SS18: variants seen among roughly 807,000 people sequenced by gnomAD.
The protein encoded by SS18 is protein SSXT.
In SS18, 28 loss-of-function variants were observed where a neutral mutation model predicts 72.5. The observed-to-expected ratio is 0.39, with a 90% confidence interval of 0.29 to 0.53. The LOEUF (loss-of-function observed/expected upper bound fraction) is 0.53, where lower values mean the gene tolerates loss of function less well. SS18 is among the 20% of genes least tolerant of loss of function. The probability of loss-of-function intolerance (pLI) is 0.76; values close to 1 mark genes in which losing one functional copy is unlikely to be tolerated. For missense variants in SS18, 518 were observed against 535.3 expected, an observed-to-expected ratio of 0.97 and a Z score of 0.32; for synonymous variants, 172 against 164.2, an observed-to-expected ratio of 1.05 and a Z score of -0.37.
At chr18:26,074,311 T>TAAA (rs199933029) in intron 3 of SS18, among the ~76,000 whole-genome samples, 4 of 137,844 alleles carry the variant, frequency 2.9e-5, no homozygotes, top group Non-Finnish European at 6.4e-5. Flanking sequence ...CAACTAACCT[T>TAAA]AAAAAAAAAA....
chr18:26,077,979 T>C, intron 3 of SS18, 97 bp downstream of exon 3: 1 of 796,378 alleles, frequency 1.3e-6, no homozygotes, highest in Non-Finnish European at 2.0e-6. Flanking sequence ...TAAAGCAGGA[T>C]TTACTAAACA....
rs79711633 is a variant in SS18, at chr18:26,048,028, T to A, written c.607+4596A>T. Among the ~76,000 whole-genome samples the A allele has an allele frequency of 5.7e-3, 860 of 152,186 alleles. 6 individuals are homozygous for A. Among genetic ancestry groups the A allele is most frequent in the African/African-American group, 0.02 (814 of 41,520 alleles). On this transcript the variant is annotated intron_variant, in intron 5 of 10. Coordinates refer to ENST00000415083, the MANE Select transcript of SS18 (RefSeq NM_001007559.3). ...TCATAGAAAACATGCAAACAGCAAATAAACATACAAAGTTATGCAACCTGA... is the reference window on the plus strand; with the variant it reads ...TCATAGAAAACATGCAAACAGCAAAAAAACATACAAAGTTATGCAACCTGA...
At chr18:26,081,534 A>G (rs1330391469) in intron 2 of SS18, among the ~76,000 whole-genome samples, 2 of 152,236 alleles carry the variant, frequency 1.3e-5, no homozygotes, top group Non-Finnish European at 2.9e-5. Flanking sequence ...AAAGATGAAC[A>G]TTAACAAAAA....
chr18:26,052,676 T>C lies in SS18; in HGVS notation c.555A>G (p.Gln185=), dbSNP rs1425180287. The C allele has an allele frequency of 1.9e-6, 3 of 1,614,160 alleles. No individual in the cohort carries two copies. The highest frequency in any genetic ancestry group is 2.5e-6 in the Non-Finnish European group (3 of 1,179,982). ...GTCTGGGACCATAGTTTCCCATTGGTTGTCCCTGACTCATTGTCATCTGAT... is the reference window on the plus strand; with the variant it reads ...GTCTGGGACCATAGTTTCCCATTGGCTGTCCCTGACTCATTGTCATCTGAT... ...VQNQMTMSQG[Q]PMGNYGPRPN... Residue 185 remains glutamine, a synonymous_variant, in exon 5 of 11, where the codon CAA becomes CAG. Coordinates refer to ENST00000415083, the MANE Select transcript of SS18 (RefSeq NM_001007559.3).
intron 5 of SS18, among the ~76,000 whole-genome samples, chr18:26,049,873 G>A (rs114929718): frequency 8.2e-4 from 125 of 152,216 alleles, no homozygotes; most frequent in African/African-American, 2.9e-3. Context: ...GGGTAACAGT[G>A]ACAATAACAT....
chr18:26,060,908 A>G (rs572472305), intron 3 of SS18, among the ~76,000 whole-genome samples: 1 of 150,728 alleles, frequency 6.6e-6, no homozygotes, highest in Non-Finnish European at 1.5e-5. Context: ...GTGAGCTGAG[A>G]TCGCATCACT....
chr18:26,034,343 C>A (rs991031239), intron 9 of SS18, among the ~76,000 whole-genome samples: 5 of 152,094 alleles, frequency 3.3e-5, no homozygotes, highest in African/African-American at 1.2e-4. Flanking sequence ...GTTATAGTAG[C>A]CTGAGAGTTA....
chr18:26,078,646 G>A (rs1275244253), intron 2 of SS18, among the ~76,000 whole-genome samples: 5 of 152,042 alleles, frequency 3.3e-5, no homozygotes, highest in Non-Finnish European at 4.4e-5. Flanking sequence ...AGCCCTTTAG[G>A]AGCCCAAGGT....
At position 26,090,513 on chromosome 18, in the gene SS18, A is replaced by C. The variant is rs771615030; in HGVS notation, c.57T>G (p.Ala19=). The change falls in exon 1 of 11, where the codon GCT becomes GCG. Residue 19 remains alanine (A), a synonymous_variant. Transcript: ENST00000415083. ...CGCGCGGTTTCACCTTCTGAATCGCAGCGGGAGTGATCTCCCCCTTGCCTC... is the reference window on the plus strand; with the variant it reads ...CGCGCGGTTTCACCTTCTGAATCGCCGCGGGAGTGATCTCCCCCTTGCCTC... ...RQRGKGEITP[A]AIQKMLDDNN... is the part of the protein sequence containing the mutation. The C allele has an allele frequency of 6.3e-7, 1 of 1,579,868 alleles. No homozygotes were observed. The highest frequency in any genetic ancestry group is 1.8e-5 in the Admixed American group (1 of 56,424).
chr18:26,087,183 T>C (rs1568036463), intron 2 of SS18, among the ~76,000 whole-genome samples: 1 of 152,038 alleles, frequency 6.6e-6, no homozygotes, highest in East Asian at 1.9e-4. Context: ...ACATAGTATA[T>C]CAATCCATTT....
rs539825281 is a variant in SS18 at position 26,016,280 on chromosome 18, G to A, written c.*2074C>T. ...AAAATCACAAATAATTTATTCTTCC[G>A]TTAGAGTTGATACAGTTTTAAATAG... On this transcript the variant is annotated 3_prime_UTR_variant, in exon 11 of 11. Transcript: ENST00000415083. 1.2e-4 allele frequency: 22 copies of A among 178,862 alleles called. No individual in the cohort carries two copies. Among genetic ancestry groups the A allele is most frequent in the South Asian group, 4.0e-4 (2 of 5,030 alleles). 11.1% of individuals were successfully genotyped at this position (178,862 alleles called of 1,614,324 possible).
intron 10 of SS18, among the ~76,000 whole-genome samples, chr18:26,023,236 G>T (rs1308534341): frequency 2.6e-5 from 4 of 152,098 alleles, no homozygotes; most frequent in Admixed American, 2.6e-4. Context: ...TGGCAGAAGA[G>T]GATATTAAAA....
chr18:26,026,371 A>G (rs1289360548), intron 10 of SS18, among the ~76,000 whole-genome samples: 1 of 152,242 alleles, frequency 6.6e-6, no homozygotes, highest in African/African-American at 2.4e-5. Context: ...ATGTAATTCA[A>G]AAATTAGCAA....
intron 5 of SS18, among the ~76,000 whole-genome samples, chr18:26,044,530 G>C (rs894882368): frequency 6.6e-6 from 1 of 151,444 alleles, no homozygotes; most frequent in African/African-American, 2.4e-5. Context: ...CATTATGTTG[G>C]CCAGGTTGGT....
chr18:26,063,997 C>T (rs980528559), intron 3 of SS18, among the ~76,000 whole-genome samples: 4 of 151,724 alleles, frequency 2.6e-5, no homozygotes, highest in Non-Finnish European at 5.9e-5. Context: ...TTAATATGGG[C>T]AGTAAAAGGA....
At chr18:26,026,067 T>C (rs1449244348) in intron 10 of SS18, among the ~76,000 whole-genome samples, 1 of 152,162 alleles carries the variant, frequency 6.6e-6, no homozygotes, top group African/African-American at 2.4e-5. Context: ...TAAATACACA[T>C]CACTTTTCAC....
intron 2 of SS18, among the ~76,000 whole-genome samples, chr18:26,083,563 A>G (rs1010828533): frequency 6.6e-6 from 1 of 152,130 alleles, no homozygotes; most frequent in African/African-American, 2.4e-5. Context: ...CAAACCTGAA[A>G]AGCCTTTTAC....
intron 10 of SS18, among the ~76,000 whole-genome samples, chr18:26,021,752 C>T (rs936701048): frequency 3.9e-5 from 6 of 152,172 alleles, no homozygotes; most frequent in African/African-American, 9.7e-5. Flanking sequence ...CACTTAAATA[C>T]CAAACAGGCA....
chr18:26,024,066 T>TA (rs1021546361), intron 10 of SS18, among the ~76,000 whole-genome samples: 2 of 151,784 alleles, frequency 1.3e-5, no homozygotes, highest in Admixed American at 6.6e-5. Context: ...TTATTTTAAG[T>TA]AAAAAAAACA....
Sources: gnomAD v4.1 joint callset for allele counts (sites outside exome capture counted in the v4.1 genomes callset) on GRCh38, gnomAD v4.1.1 for gene constraint, MANE v1.5 for transcripts, NCBI Gene and HGNC (gene_info 2026-07-23, HGNC 2026-07-21) for gene names.